CHMP7: variants seen among roughly 807,000 people sequenced by gnomAD.
CHMP7 encodes charged multivesicular body protein 7.
In CHMP7, 15 loss-of-function variants were observed where a neutral mutation model predicts 53.7. The observed-to-expected ratio is 0.28, with a 90% CI of 0.19 to 0.43. The LOEUF (loss-of-function observed/expected upper bound fraction) is 0.43. Among genes scored for constraint, CHMP7 ranks in the 20% least tolerant of loss-of-function variants. CHMP7 has a pLI of 1.00. For missense variants in CHMP7, 527 were observed against 569.4 expected (o/e 0.93, Z 0.76); for synonymous variants, 261 against 228.0 (o/e 1.14, Z -1.30).
chr8:23,260,709 G>A lies in CHMP7; in HGVS notation c.*110G>A, dbSNP rs563183361. 2.0e-5 allele frequency: 17 copies of A among 871,582 alleles called. No homozygotes were observed. The highest frequency in any genetic ancestry group is 2.2e-4 in the Middle Eastern group (1 of 4,558). 54.0% of individuals were successfully genotyped at this position (871,582 alleles called of 1,614,324 possible). A position where few individuals can be genotyped will look rare whatever the true frequency, so the allele number is the denominator to read the frequency against. On this transcript the variant is annotated 3_prime_UTR_variant, in exon 11 of 11. Coordinates refer to ENST00000397677, the MANE Select transcript of CHMP7 (RefSeq NM_152272.5). ...AATGTGTTTGGAAGAGGAGAAAGGA[G>A]AACCACTGATTTTATCTGGATGCTA...
chr8:23,258,632 A>G (rs1802235197), intron 7 of CHMP7, 100 bp from the exon 8 acceptor site: 4 of 1,172,412 alleles, frequency 3.4e-6, no homozygotes, highest in Middle Eastern at 2.0e-4. Context: ...CTTGGGTGCC[A>G]AAAAAAACAC....
intron 3 of CHMP7, among the ~76,000 whole-genome samples, chr8:23,254,261 C>T (rs1432373673): frequency 1.3e-5 from 2 of 151,938 alleles, no homozygotes; most frequent in Non-Finnish European, 2.9e-5. Flanking sequence ...ATGGACACCT[C>T]AGTCTTTCTT....
Position 23,260,617 on chromosome 8 carries a change from C to A in CHMP7, c.*18C>A, listed in dbSNP as rs192657105. On this transcript the variant is annotated 3_prime_UTR_variant, in exon 11 of 11. Coordinates refer to ENST00000397677, the MANE Select transcript of CHMP7 (RefSeq NM_152272.5). ...CATTGTAGGACCCTCAAGTGAAGGA[C>A]CCTCATGTAAAAGAGAGACCAGGCT... The A allele has an allele frequency of 1.2e-6, 2 of 1,602,556 alleles. No homozygotes were observed. The highest frequency in any genetic ancestry group is 1.1e-5 in the South Asian group (1 of 90,858).
chr8:23,260,416 G>T, intron 10 of CHMP7, 93 bp downstream of exon 10: 1 of 1,541,958 alleles, frequency 6.5e-7, no homozygotes, highest in Non-Finnish European at 9.0e-7. Context: ...ATTTGCCAGA[G>T]TACCAGAGCC....
intron 2 of CHMP7, chr8:23,248,073 A>G (rs1490943668): frequency 8.8e-6 from 4 of 456,038 alleles, no homozygotes; most frequent in East Asian, 7.0e-5. Flanking sequence ...CAGCCTCCCA[A>G]AGTGTTAAGA....
At chr8:23,259,162 A>ATTTTT (rs374301627) in intron 9 of CHMP7, 36 bp downstream of exon 9, 25 of 530,592 alleles carry the variant, frequency 4.7e-5, no homozygotes, top group African/African-American at 2.7e-4. Flanking sequence ...ATTTTTATTC[A>ATTTTT]TTTTTTTTTT....
In CHMP7 at chr8:23,249,279, T is replaced by G. The variant is rs1157790567; in HGVS notation, c.369T>G (p.Val123=). The change falls in exon 3 of 11, where the codon GTT becomes GTG. Residue 123 remains valine (V), a synonymous_variant. Transcript: ENST00000397677. ...SVDSSWISWG[V]GVFLLKPLKW... ...ACAGCAGCTGGATCTCCTGGGGGGT[T>G]GGGGTCTTCCTGCTGAAGCCTCTCA... The G allele has an allele frequency of 6.2e-7, 1 of 1,613,202 alleles. No individual in the cohort carries two copies. Among genetic ancestry groups the G allele is most frequent in the Admixed American group, 1.7e-5 (1 of 59,906 alleles).
At chr8:23,248,406 G>A (rs74351107) in intron 2 of CHMP7, among the ~76,000 whole-genome samples, 15,428 of 152,178 alleles carry the variant, frequency 0.1, 950 homozygotes, top group South Asian at 0.26. Context: ...ACGTGGCATA[G>A]TATTAGTATT....
At chr8:23,256,433 CAGT>C in intron 4 of CHMP7, 24 bp from the exon 5 acceptor site, 1 of 1,561,520 alleles carries the variant, frequency 6.4e-7, no homozygotes, top group Non-Finnish European at 8.8e-7. Context: ...GTGGTAGCAG[CAGT>C]AGTAATTTCT....
At chr8:23,256,744 A>G (rs1247362490) in intron 5 of CHMP7, 151 bp downstream of exon 5, 10 of 430,310 alleles carry the variant, frequency 2.3e-5, no homozygotes, top group African/African-American at 2.1e-4. Flanking sequence ...TGCAGAAATC[A>G]TGGAAAGCAC....
chr8:23,250,043 A>C (rs138814275), intron 3 of CHMP7, among the ~76,000 whole-genome samples: 27 of 152,170 alleles, frequency 1.8e-4, no homozygotes, highest in African/African-American at 5.5e-4. Context: ...CATGGGGTTT[A>C]CCACCCCTGC....
chr8:23,248,449 C>A (rs959741884), intron 2 of CHMP7, among the ~76,000 whole-genome samples: 1 of 152,224 alleles, frequency 6.6e-6, no homozygotes, highest in African/African-American at 2.4e-5. Flanking sequence ...ATTACTTTTG[C>A]ACCAACCTAA....
intron 3 of CHMP7, among the ~76,000 whole-genome samples, chr8:23,253,518 C>A (rs1314319014): frequency 1.3e-5 from 2 of 152,200 alleles, no homozygotes; most frequent in African/African-American, 4.8e-5. Flanking sequence ...AACTCCTGAT[C>A]TCAGGTGATC....
At position 23,258,460 on chromosome 8, in the gene CHMP7, C is replaced by T. The variant is rs1218772901; in HGVS notation, c.960+11C>T. On this transcript the variant is annotated intron_variant, in intron 7 of 10. Transcript: ENST00000397677. ...CAGACAGATCAGATGGTAGTCACTC[C>T]CCTCTACTCCAGCACTTGGCTGGTC... is the stretch of plus-strand genomic sequence containing the variant. 2 of 1,613,842 alleles carry T rather than the reference C, an allele frequency of 1.2e-6. No individual in the cohort carries two copies. Among genetic ancestry groups the T allele is most frequent in the Non-Finnish European group, 1.7e-6 (2 of 1,179,946 alleles).
At chr8:23,247,576 G>A (rs565440463) in intron 2 of CHMP7, among the ~76,000 whole-genome samples, 2 of 152,294 alleles carry the variant, frequency 1.3e-5, no homozygotes, top group East Asian at 1.9e-4. Context: ...TGTGCGACAG[G>A]TGCAGTTTTG....
chr8:23,249,422 G>C (rs751533044), intron 3 of CHMP7, 41 bp downstream of exon 3: 1 of 1,496,904 alleles, frequency 6.7e-7, no homozygotes, highest in Admixed American at 2.2e-5. Flanking sequence ...CACCTGGTGT[G>C]ATCACAGCAT....
At chr8:23,248,671 G>A (rs781598560) in intron 2 of CHMP7, among the ~76,000 whole-genome samples, 4 of 152,106 alleles carry the variant, frequency 2.6e-5, no homozygotes, top group South Asian at 2.1e-4. Context: ...ACTGGCCCGC[G>A]GCAAGCATTT....
chr8:23,247,665 G>T (rs1585303044), intron 2 of CHMP7, among the ~76,000 whole-genome samples: 1 of 152,120 alleles, frequency 6.6e-6, no homozygotes, highest in East Asian at 1.9e-4. Context: ...TGCACCATTT[G>T]ACCCACTCAG....
At chr8:23,254,148 A>C (rs1585310726) in intron 3 of CHMP7, among the ~76,000 whole-genome samples, 1 of 142,892 alleles carries the variant, frequency 7.0e-6, no homozygotes, top group Admixed American at 7.1e-5. Context: ...TCACCTCTTC[A>C]CCTAGGAACT....
Sources: allele counts gnomAD v4.1 joint callset (sites outside exome capture counted in the v4.1 genomes callset), GRCh38; gene constraint gnomAD v4.1.1; transcripts MANE v1.5; gene names NCBI Gene and HGNC (gene_info 2026-07-23, HGNC 2026-07-21).